The following ARSD variants were observed in gnomAD, a reference collection of about 807,000 sequenced individuals.
ARSD encodes the protein testis tissue sperm-binding protein Li 39a.
ARSD carries 21 observed loss-of-function variants against 32.6 expected under a neutral mutation model. That is an observed-to-expected ratio of 0.64 (90% CI 0.46 to 0.93). The LOEUF is 0.93. Among genes scored for constraint, ARSD ranks in the 40% least tolerant of loss-of-function variants. The pLI is 0.00. For missense variants in ARSD, 454 were observed against 520.9 expected, an observed-to-expected ratio of 0.87 and a Z score of 1.25; for synonymous variants, 224 against 237.4, an observed-to-expected ratio of 0.94 and a Z score of 0.52.
intron 9 of ARSD, among the ~76,000 whole-genome samples, 183 bp downstream of exon 9, chrX:2,908,538 C>CCT (rs1356239355): frequency 1.0e-5 from 1 of 98,825 alleles, no homozygotes; most frequent in Non-Finnish European, 2.0e-5. Flanking sequence ...TCTCTCTCCC[C>CCT]CCCCCATCAT....
In ARSD at chrX:2,907,147, G is replaced by A. The variant is rs770101964; in HGVS notation, c.*124C>T. 7 of 628,964 alleles carry A rather than the reference G, an allele frequency of 1.1e-5. No individual in the cohort carries two copies. Among genetic ancestry groups the A allele is most frequent in the Non-Finnish European group, 1.5e-5 (6 of 409,312 alleles). 51.8% of individuals were successfully genotyped at this position (628,964 alleles called of 1,213,427 possible). On this transcript the variant is annotated 3_prime_UTR_variant, in exon 10 of 10. Coordinates refer to ENST00000381154, the MANE Select transcript of ARSD (RefSeq NM_001669.4). ...AGAAAGAAAGAAAGAAAGAAAGTGG[G>A]GACCCACTCTCAGTCCAGGGCATGT...
chrX:2,916,414 C>T (rs5982919), intron 5 of ARSD, among the ~76,000 whole-genome samples: 11,082 of 110,044 alleles, frequency 0.1, 666 homozygotes, highest in East Asian at 0.54. Context: ...ACGAGAATTG[C>T]CTGAGCCTTG....
At chrX:2,928,155 C>T (rs749936050) in intron 1 of ARSD, among the ~76,000 whole-genome samples, 1 of 110,513 alleles carries the variant, frequency 9.0e-6, no homozygotes, top group South Asian at 4.0e-4. Context: ...ATGCAGGACC[C>T]GGCGCATCTG....
intron 1 of ARSD, among the ~76,000 whole-genome samples, chrX:2,927,823 C>T (rs1287192992): frequency 9.0e-6 from 1 of 111,102 alleles, no homozygotes; most frequent in Non-Finnish European, 1.9e-5. Context: ...CTTTGGTTGG[C>T]TGCTGCCTGC....
At chrX:2,912,819 C>T (rs1370953004) in intron 6 of ARSD, among the ~76,000 whole-genome samples, 1 of 111,836 alleles carries the variant, frequency 8.9e-6, no homozygotes, top group African/African-American at 3.3e-5. Flanking sequence ...CTCAGCAGCG[C>T]AGAGGACGCC....
rs1460351250 is a variant in ARSD at position 2,905,335 on chromosome X, C to T, written c.*1936G>A. 1.4e-5 allele frequency: 3 copies of T among 212,218 alleles called. No homozygotes were observed. The highest frequency in any genetic ancestry group is 1.3e-4 in the Admixed American group (2 of 15,545). 17.5% of individuals were successfully genotyped at this position (212,218 alleles called of 1,213,427 possible). A position where few individuals can be genotyped will look rare whatever the true frequency, so the allele number is the denominator to read the frequency against. The stretch of plus-strand genomic sequence containing the variant: ...CCCAGTATGCTTCCTGCAAAGACCT[C>T]GATAGATGGACTGAGGGGAATAGTG... On this transcript the variant is annotated 3_prime_UTR_variant, in exon 10 of 10. Transcript: ENST00000381154.
chrX:2,908,180 CATCT>C (rs1447217223), intron 9 of ARSD, among the ~76,000 whole-genome samples: 1 of 111,416 alleles, frequency 9.0e-6, no homozygotes, highest in African/African-American at 3.3e-5. Context: ...ACCTTTCATC[CATCT>C]ATCTGTCCAT....
intron 4 of ARSD, among the ~76,000 whole-genome samples, chrX:2,919,282 G>C (rs765262546): frequency 9.5e-6 from 1 of 104,952 alleles, no homozygotes; most frequent in African/African-American, 3.6e-5. Flanking sequence ...TGGGACAGTG[G>C]CTTTGAGTGT....
At chrX:2,908,107 T>A in intron 9 of ARSD, 2 of 259,366 alleles carry the variant, frequency 7.7e-6, no homozygotes, top group Non-Finnish European at 5.4e-6. Flanking sequence ...CTCATCTATC[T>A]ACCATTATCT....
chrX:2,918,379 G>C lies in ARSD; in HGVS notation c.440-152C>G, dbSNP rs772489873. 3 of 517,174 alleles carry C rather than the reference G, an allele frequency of 5.8e-6. No homozygotes were observed. In the African/African-American group the frequency reaches 7.1e-5, roughly 12 times the overall value. The allele number at this position is 517,174 out of a possible 1,213,427, so 42.6% of individuals were successfully genotyped here. The stretch of plus-strand genomic sequence containing the variant: ...AAGGCAATGAATGGATTGGATACCT[G>C]TGTTTAAATGAACGCATTCTGATCC... On this transcript the variant is annotated intron_variant, in intron 4 of 9. Coordinates refer to ENST00000381154, the MANE Select transcript of ARSD (RefSeq NM_001669.4).
intron 1 of ARSD, 49 bp downstream of exon 1, chrX:2,929,170 ACCCCCTCCCCAGG>A: frequency 1.0e-6 from 1 of 965,498 alleles, no homozygotes; most frequent in Non-Finnish European, 1.3e-6. Flanking sequence ...CGTGCTCGCG[ACCCCCTCCCCAGG>A]CCCCCACCCT....
At chrX:2,915,851 G>A (rs1479789336) in intron 5 of ARSD, among the ~76,000 whole-genome samples, 159 bp from the exon 6 acceptor site, 1 of 111,494 alleles carries the variant, frequency 9.0e-6, no homozygotes, top group African/African-American at 3.3e-5. Context: ...TAAATGGTGG[G>A]CCAGGCGTGG....
chrX:2,927,582 C>G (rs931783812), intron 1 of ARSD, among the ~76,000 whole-genome samples: 21 of 112,147 alleles, frequency 1.9e-4, no homozygotes, highest in African/African-American at 6.8e-4. Flanking sequence ...CATGAGCCAC[C>G]TCGCCTGGCG....
At chrX:2,916,955 A>G (rs1220952799) in intron 5 of ARSD, among the ~76,000 whole-genome samples, 1 of 109,558 alleles carries the variant, frequency 9.1e-6, no homozygotes, top group Non-Finnish European at 1.9e-5. Flanking sequence ...AGTAAGGGCC[A>G]GGCACGGTGG....
At chrX:2,910,869 T>C in intron 6 of ARSD, 76 bp from the exon 7 acceptor site, 1 of 1,103,749 alleles carries the variant, frequency 9.1e-7, no homozygotes, top group Non-Finnish European at 1.2e-6. Context: ...TCTTCCTTTC[T>C]GCAGGAGACA....
intron 2 of ARSD, among the ~76,000 whole-genome samples, chrX:2,923,593 G>T (rs747100062): frequency 8.9e-6 from 1 of 112,210 alleles, no homozygotes; most frequent in Non-Finnish European, 1.9e-5. Context: ...CCCTGGGCTC[G>T]TAGACACCAT....
At chrX:2,925,841 T>C in intron 1 of ARSD, 76 bp from the exon 2 acceptor site, 1 of 1,041,688 alleles carries the variant, frequency 9.6e-7, no homozygotes, top group Non-Finnish European at 1.3e-6. Flanking sequence ...GGCAGCTCGC[T>C]GGGAAGGCGA....
At chrX:2,914,953 C>T (rs1406772598) in intron 6 of ARSD, among the ~76,000 whole-genome samples, 1 of 111,454 alleles carries the variant, frequency 9.0e-6, no homozygotes, top group Admixed American at 9.6e-5. Flanking sequence ...CAGTTCACTG[C>T]AGCCTTGACT....
chrX:2,922,802 C>T (rs1211098288), intron 2 of ARSD, among the ~76,000 whole-genome samples: 1 of 89,896 alleles, frequency 1.1e-5, no homozygotes, highest in Non-Finnish European at 2.1e-5. Context: ...TGCACCACTG[C>T]ACTCCAGCCT....
Sources: gnomAD v4.1 joint callset for allele counts (sites outside exome capture counted in the v4.1 genomes callset) on GRCh38, gnomAD v4.1.1 for gene constraint, MANE v1.5 for transcripts, NCBI Gene and HGNC (gene_info 2026-07-23, HGNC 2026-07-21) for gene names.